SMIM23: variants seen among roughly 807,000 people sequenced by gnomAD.
SMIM23 encodes small integral membrane protein 23, also known as CTB-78H18.1.
In SMIM23, 10 loss-of-function variants were observed where a neutral mutation model predicts 12.8. That is an observed-to-expected ratio of 0.78 (90% confidence interval 0.48 to 1.32). The LOEUF is 1.32. Among genes scored for constraint, SMIM23 ranks in the 40% most tolerant of loss-of-function variants. The pLI, the probability that SMIM23 is intolerant of heterozygous loss-of-function variation, is 0.00. For missense variants in SMIM23, 184 were observed against 198.2 expected, an observed-to-expected ratio of 0.93 and a Z score of 0.43; for synonymous variants, 78 against 80.1, an observed-to-expected ratio of 0.97 and a Z score of 0.14.
At chr5:171,773,713 T>C in the SMIM23 span, 1 of 450,776 alleles carries the variant, frequency 2.2e-6, no homozygotes. Flanking sequence ...CCAGGCCCCA[T>C]CTAAAGGAAG....
the SMIM23 span, chr5:171,774,669 A>G: frequency 2.4e-6 from 1 of 422,360 alleles, no homozygotes; most frequent in Non-Finnish European, 4.6e-6. Flanking sequence ...GCTCGCCCAC[A>G]AATCCCAGGA....
upstream of SMIM23, among the ~76,000 whole-genome samples, chr5:171,781,342 A>G (rs1183627119): frequency 6.6e-6 from 1 of 152,224 alleles, no homozygotes; most frequent in Non-Finnish European, 1.5e-5. Flanking sequence ...GGAGCAGACA[A>G]GACAGCCCCG....
Position 171,791,099 on chromosome 5 carries a change from TCC to T in SMIM23, c.*12_*13del. 6.8e-7 allele frequency: 1 copy of T among 1,464,546 alleles called. No individual in the cohort carries two copies. The highest frequency in any genetic ancestry group is 9.0e-7 in the Non-Finnish European group (1 of 1,115,264). The allele number at this position is 1,464,546 out of a possible 1,614,324, so 90.7% of individuals were successfully genotyped here. A position where few individuals can be genotyped will look rare whatever the true frequency, so the allele number is the denominator to read the frequency against. ...GGGGCAGAGCTCTGACTCTTGAAGT[TCC>T]AGTCAGGCAAGAAAATAAAGTAGTT... On this transcript the variant is annotated 3_prime_UTR_variant, in exon 4 of 4. Coordinates refer to ENST00000523047, the MANE Select transcript of SMIM23 (RefSeq NM_001289970.2).
upstream of SMIM23, among the ~76,000 whole-genome samples, chr5:171,778,446 T>TTCTC (rs1233872116): frequency 1.3e-5 from 1 of 78,102 alleles, no homozygotes; most frequent in African/African-American, 5.9e-5. Context: ...ATGGGAAAAT[T>TTCTC]TCACACACAC....
chr5:171,776,402 T>C, the SMIM23 span, among the ~76,000 whole-genome samples: 1 of 152,076 alleles, frequency 6.6e-6, no homozygotes, highest in Non-Finnish European at 1.5e-5. Flanking sequence ...TTGGCAGTTT[T>C]TGTTGGCCAG....
At chr5:171,790,015 C>G (rs1366139377) in intron 1 of SMIM23, among the ~76,000 whole-genome samples, 1 of 152,182 alleles carries the variant, frequency 6.6e-6, no homozygotes, top group African/African-American at 2.4e-5. Context: ...AGAGAAAATG[C>G]AAATTGAACA....
intron 1 of SMIM23, among the ~76,000 whole-genome samples, chr5:171,789,214 A>T (rs1755878018): frequency 6.6e-6 from 1 of 152,222 alleles, no homozygotes; most frequent in South Asian, 2.1e-4. Flanking sequence ...AAATCACATG[A>T]TATATAAAAA....
chr5:171,773,535 T>C, the SMIM23 span: 2 of 327,814 alleles, frequency 6.1e-6, no homozygotes, highest in Non-Finnish European at 1.2e-5. Context: ...TGGAAGGCTT[T>C]TCCCTCACAT....
At chr5:171,786,950 G>T (rs1240525955) in intron 1 of SMIM23, among the ~76,000 whole-genome samples, 1 of 147,462 alleles carries the variant, frequency 6.8e-6, no homozygotes, top group African/African-American at 2.5e-5. Context: ...AGTCTGCATA[G>T]CTTTGTTTAC....
At chr5:171,788,054 T>G (rs1195520565) in intron 1 of SMIM23, among the ~76,000 whole-genome samples, 1 of 151,662 alleles carries the variant, frequency 6.6e-6, no homozygotes, top group Admixed American at 6.6e-5. Context: ...TAAATGTCAC[T>G]TCACATACTT....
upstream of SMIM23, among the ~76,000 whole-genome samples, chr5:171,785,415 T>G (rs1279342950): frequency 6.6e-6 from 1 of 150,736 alleles, no homozygotes; most frequent in African/African-American, 2.5e-5. Context: ...TTTTTTTTTT[T>G]GTAATTTTTT....
chr5:171,790,334 T>TG, intron 2 of SMIM23, 53 bp downstream of exon 2: 1 of 1,530,724 alleles, frequency 6.5e-7, no homozygotes, highest in South Asian at 1.2e-5. Flanking sequence ...TGAAGCTTGG[T>TG]GGAGTGTTCC....
chr5:171,778,783 A>G (rs186243246), upstream of SMIM23, among the ~76,000 whole-genome samples: 1 of 152,162 alleles, frequency 6.6e-6, no homozygotes, highest in African/African-American at 2.4e-5. Context: ...ACACCAAGAG[A>G]ATTTAGAATT....
At chr5:171,782,398 C>G (rs1755743485), upstream of SMIM23, 2 of 152,226 alleles carry the variant, frequency 1.3e-5, no homozygotes, top group African/African-American at 2.4e-5. Flanking sequence ...GTTAAATAGA[C>G]CCATACTAAG....
chr5:171,788,983 G>A (rs1324939274), intron 1 of SMIM23, among the ~76,000 whole-genome samples: 14 of 152,224 alleles, frequency 9.2e-5, no homozygotes, highest in Admixed American at 9.2e-4. Flanking sequence ...GGAATTACAG[G>A]CACCGGCCAC....
the SMIM23 span, among the ~76,000 whole-genome samples, chr5:171,776,937 A>T: frequency 6.6e-6 from 1 of 152,142 alleles, no homozygotes; most frequent in Non-Finnish European, 1.5e-5. Flanking sequence ...GAATTCTCAG[A>T]GCCCTGCCGT....
Position 171,785,916 on chromosome 5 carries a change from G to A in SMIM23, c.45G>A (p.Glu15=). The A allele has an allele frequency of 6.5e-7, 1 of 1,536,260 alleles. No homozygotes were observed. Among genetic ancestry groups the A allele is most frequent in the South Asian group, 1.2e-5 (1 of 84,068 alleles). Residue 15 remains glutamate (E), a synonymous_variant, in exon 1 of 4, where the codon GAG becomes GAA. Coordinates refer to ENST00000523047, the MANE Select transcript of SMIM23 (RefSeq NM_001289970.2). ...QVDSRRQVAA[E]QVAAQLLERR... ...ACAGCAGAAGGCAGGTGGCAGCAGA[G>A]CAGGTGGCAGCCCAGCTGCTTGAAC...
chr5:171,777,253 T>C, the SMIM23 span, among the ~76,000 whole-genome samples: 1 of 152,244 alleles, frequency 6.6e-6, no homozygotes, highest in Admixed American at 6.5e-5. Context: ...AGCGGAATAC[T>C]TGGCATGTTA....
upstream of SMIM23, among the ~76,000 whole-genome samples, chr5:171,784,481 G>T (rs955430431): frequency 6.6e-6 from 1 of 151,966 alleles, no homozygotes; most frequent in Non-Finnish European, 1.5e-5. Context: ...CTCCAGCTTG[G>T]GCGACAGAGT....
Sources: allele counts gnomAD v4.1 joint callset (sites outside exome capture counted in the v4.1 genomes callset), GRCh38; gene constraint gnomAD v4.1.1; transcripts MANE v1.5; gene names NCBI Gene and HGNC (gene_info 2026-07-23, HGNC 2026-07-21).